The following NAALADL2 variants were observed in gnomAD, a reference collection of about 807,000 sequenced individuals.
The protein encoded by NAALADL2 is N-acetylated alpha-linked acidic dipeptidase like 2.
Under a neutral mutation model 87.2 loss-of-function variants are expected in NAALADL2, and 76 were observed. That is an observed-to-expected ratio of 0.87 (90% confidence interval 0.72 to 1.05). The LOEUF is 1.05. NAALADL2 is among the 50% of genes least tolerant of loss of function. The pLI is 0.00. For synonymous variants in NAALADL2, 354 were observed against 331.0 expected, an observed-to-expected ratio of 1.07 and a Z score of -0.75; for missense variants, 1,089 against 945.8, an observed-to-expected ratio of 1.15 and a Z score of -1.99.
intron 3 of NAALADL2, among the ~76,000 whole-genome samples, chr3:174,838,037 G>GA (rs1158682043): frequency 0.098 from 11,536 of 117,154 alleles, 534 homozygotes; most frequent in Non-Finnish European, 0.11. Flanking sequence ...AAAAAAAAAA[G>GA]AAAAAAAAAA....
At chr3:175,766,887 T>C (rs2150164527) in intron 13 of NAALADL2, among the ~76,000 whole-genome samples, 1 of 152,222 alleles carries the variant, frequency 6.6e-6, no homozygotes, top group East Asian at 1.9e-4. Context: ...TTTCTTCTTA[T>C]AATAAGAAAG....
At chr3:174,647,188 GA>G (rs1483582207) in intron 2 of NAALADL2, among the ~76,000 whole-genome samples, 2 of 152,152 alleles carry the variant, frequency 1.3e-5, no homozygotes, top group Non-Finnish European at 2.9e-5. Flanking sequence ...TGTAGTAGGG[GA>G]TAACTTTCAC....
At chr3:175,531,787 A>G (rs1212722316) in intron 9 of NAALADL2, among the ~76,000 whole-genome samples, 2 of 152,178 alleles carry the variant, frequency 1.3e-5, no homozygotes, top group East Asian at 3.9e-4. Flanking sequence ...AATTGGAGTC[A>G]CCACTTGGTT....
intron 8 of NAALADL2, among the ~76,000 whole-genome samples, chr3:175,467,980 T>C (rs1323251247): frequency 6.6e-6 from 1 of 152,124 alleles, no homozygotes; most frequent in South Asian, 2.1e-4. Flanking sequence ...CCAAAAACAC[T>C]ACATAATTTT....
At chr3:174,822,638 T>TA (rs1721555954) in intron 3 of NAALADL2, among the ~76,000 whole-genome samples, 1 of 152,126 alleles carries the variant, frequency 6.6e-6, no homozygotes, top group Non-Finnish European at 1.5e-5. Flanking sequence ...ATATGTAATA[T>TA]ATGATGTATA....
intron 2 of NAALADL2, among the ~76,000 whole-genome samples, chr3:175,183,031 G>A (rs566039654): frequency 9.3e-4 from 132 of 142,690 alleles, no homozygotes; most frequent in African/African-American, 3.1e-3. Context: ...GAAGTTTTTT[G>A]TGGTTCTATA....
intron 4 of NAALADL2, among the ~76,000 whole-genome samples, chr3:175,264,073 T>C (rs1405608105): frequency 2.0e-5 from 3 of 151,852 alleles, no homozygotes; most frequent in Non-Finnish European, 2.9e-5. Flanking sequence ...TCTTCTGTAC[T>C]GCTATCTGCT....
At chr3:174,497,713 C>T (rs925518385) in intron 1 of NAALADL2, among the ~76,000 whole-genome samples, 4 of 152,108 alleles carry the variant, frequency 2.6e-5, no homozygotes, top group Non-Finnish European at 1.5e-5. Flanking sequence ...GAAGCTGGCG[C>T]AGACTGACTT....
chr3:174,490,593 C>T lies in NAALADL2; in HGVS notation c.-184+49561C>T, dbSNP rs116220357. 4.5e-3 allele frequency among the ~76,000 whole-genome samples: 682 copies of T among 152,012 alleles called. 5 individuals carry two copies. Among genetic ancestry groups the T allele is most frequent in the African/African-American group, 0.016 (660 of 41,476 alleles). The stretch of plus-strand genomic sequence containing the variant: ...ATCTTTTTTTAAAAAGTCAAGAACT[C>T]CTGGTTTCAATTTTAAATGAAAGCG... On this transcript the variant is annotated intron_variant, in intron 1 of 3. Transcript: ENST00000434257.
intron 2 of NAALADL2, among the ~76,000 whole-genome samples, chr3:174,686,426 T>A (rs1728045694): frequency 6.6e-6 from 1 of 152,176 alleles, no homozygotes; most frequent in African/African-American, 2.4e-5. Context: ...GGGATCTCAT[T>A]GTGGTTTTGA....
intron 2 of NAALADL2, among the ~76,000 whole-genome samples, chr3:174,567,803 G>C (rs1448090368): frequency 6.6e-6 from 1 of 151,582 alleles, no homozygotes; most frequent in Non-Finnish European, 1.5e-5. Flanking sequence ...CTGGTACCCA[G>C]TAGTCTCCCA....
intron 9 of NAALADL2, among the ~76,000 whole-genome samples, chr3:175,558,394 G>C (rs1715710631): frequency 6.6e-6 from 1 of 151,666 alleles, no homozygotes; most frequent in Non-Finnish European, 1.5e-5. Flanking sequence ...TCATCACTTT[G>C]TTGTTTCCTT....
At chr3:174,973,261 G>C (rs538684488) in intron 1 of NAALADL2, among the ~76,000 whole-genome samples, 5 of 152,140 alleles carry the variant, frequency 3.3e-5, no homozygotes, top group African/African-American at 1.2e-4. Context: ...ACACTCACTG[G>C]TTCATTCTGC....
At chr3:175,363,530 C>G (rs1765252211) in intron 5 of NAALADL2, among the ~76,000 whole-genome samples, 1 of 147,450 alleles carries the variant, frequency 6.8e-6, no homozygotes, top group African/African-American at 2.5e-5. Context: ...CTGACTCTGT[C>G]TCTCTGTGTC....
rs148125824 is a variant in NAALADL2, at chr3:175,198,319, T to C, written c.546-35612T>C. Among the ~76,000 whole-genome samples, 675 of 152,188 alleles carry C rather than the reference T, an allele frequency of 4.4e-3. 3 individuals are homozygous for C. The highest frequency in any genetic ancestry group is 0.016 in the African/African-American group (646 of 41,552). ...TGGAAAAAGTGAAGGAGATTATTTTTAATGTTTAAAAGTCCATTTTTTCTA... is the reference window on the plus strand; with the variant it reads ...TGGAAAAAGTGAAGGAGATTATTTTCAATGTTTAAAAGTCCATTTTTTCTA... On this transcript the variant is annotated intron_variant, in intron 2 of 13. Transcript: ENST00000454872.
chr3:174,511,247 A>G (rs761005236), intron 1 of NAALADL2, among the ~76,000 whole-genome samples: 2 of 151,996 alleles, frequency 1.3e-5, no homozygotes, highest in Admixed American at 6.5e-5. Context: ...TGTTTTATCA[A>G]TTGCTGAGAA....
At chr3:174,909,806 G>C (rs1193019210) in intron 1 of NAALADL2, among the ~76,000 whole-genome samples, 1 of 152,144 alleles carries the variant, frequency 6.6e-6, no homozygotes. Flanking sequence ...CTAGCACATA[G>C]TATGAATGTC....
Position 175,726,170 on chromosome 3 carries a change from G to T in NAALADL2, c.1897-11136G>T, listed in dbSNP as rs146669190. ...GCCAAAAAGCTAATTTATTATTTCCGAATTAATCTGTAAATATATTTTCTC... is the reference window on the plus strand; with the variant it reads ...GCCAAAAAGCTAATTTATTATTTCCTAATTAATCTGTAAATATATTTTCTC... On this transcript the variant is annotated intron_variant, in intron 11 of 13. Transcript: ENST00000454872. Among the ~76,000 whole-genome samples the T allele has an allele frequency of 4.0e-5, 6 of 148,558 alleles. No homozygotes were observed. The South Asian group carries it at 1.1e-3, about 26-fold the overall frequency.
chr3:174,882,867 GTA>G (rs1325192807), intron 1 of NAALADL2, among the ~76,000 whole-genome samples: 1 of 136,654 alleles, frequency 7.3e-6, no homozygotes, highest in South Asian at 2.3e-4. Flanking sequence ...ATACATATGT[GTA>G]TATGTGTATA....
Sources: gnomAD v4.1 joint callset for allele counts (sites outside exome capture counted in the v4.1 genomes callset) on GRCh38, gnomAD v4.1.1 for gene constraint, MANE v1.5 for transcripts, NCBI Gene and HGNC (gene_info 2026-07-23, HGNC 2026-07-21) for gene names.